KALRN: variants seen among roughly 807,000 people sequenced by gnomAD.
KALRN encodes the protein kalirin RhoGEF kinase.
KALRN carries 70 observed loss-of-function variants against 353.7 expected under a neutral mutation model. That is an observed-to-expected ratio of 0.20 (90% CI 0.16 to 0.24). The LOEUF (loss-of-function observed/expected upper bound fraction) is 0.24, where lower values mean the gene tolerates loss of function less well. Ranked by LOEUF, KALRN falls within the 10% of genes least tolerant of loss-of-function variation. The probability of loss-of-function intolerance (pLI) is 1.00; values close to 1 mark genes in which losing one functional copy is unlikely to be tolerated. For missense variants in KALRN, 2,791 were observed against 3,756.7 expected, an observed-to-expected ratio of 0.74 and a Z score of 6.72; for synonymous variants, 1,391 against 1,434.8, an observed-to-expected ratio of 0.97 and a Z score of 0.69.
chr3:124,498,993 T>C (rs994454310), intron 33 of KALRN, among the ~76,000 whole-genome samples: 1 of 152,062 alleles, frequency 6.6e-6, no homozygotes, highest in Non-Finnish European at 1.5e-5. Flanking sequence ...CTGACTCATA[T>C]TCAACAGAAG....
chr3:124,539,300 A>C (rs1471268578), intron 33 of KALRN, among the ~76,000 whole-genome samples: 3 of 152,176 alleles, frequency 2.0e-5, no homozygotes, highest in Non-Finnish European at 4.4e-5. Flanking sequence ...CCTTCTGGGG[A>C]CTGATAGATC....
chr3:124,664,370 T>TGTGTGTGTGTGTGC (rs370394911), intron 45 of KALRN, among the ~76,000 whole-genome samples: 6 of 129,534 alleles, frequency 4.6e-5, no homozygotes, highest in African/African-American at 1.7e-4. Context: ...TGTGTGTGTG[T>TGTGTGTGTGTGTGC]GCGCGCGCGC....
intron 51 of KALRN, among the ~76,000 whole-genome samples, chr3:124,679,913 C>A (rs912099952): frequency 2.0e-5 from 3 of 152,176 alleles, no homozygotes; most frequent in Admixed American, 6.5e-5. Flanking sequence ...TAGTTTCTCC[C>A]GCTTTTGTTT....
At chr3:124,529,179 C>T (rs1473792637) in intron 33 of KALRN, among the ~76,000 whole-genome samples, 1 of 152,072 alleles carries the variant, frequency 6.6e-6, no homozygotes, top group African/African-American at 2.4e-5. Flanking sequence ...CTGCTATATC[C>T]CCAGTACCTA....
chr3:124,327,594 TAC>T (rs904844395), intron 7 of KALRN, among the ~76,000 whole-genome samples: 3 of 152,222 alleles, frequency 2.0e-5, no homozygotes, highest in Admixed American at 6.5e-5. Context: ...TATAGTCATA[TAC>T]ACACACACAT....
At chr3:124,289,484 C>G (rs138665866) in intron 5 of KALRN, among the ~76,000 whole-genome samples, 45 of 152,018 alleles carry the variant, frequency 3.0e-4, no homozygotes, top group African/African-American at 9.6e-4. Context: ...GAATCTGTTT[C>G]TCTACCTAAA....
intron 5 of KALRN, among the ~76,000 whole-genome samples, chr3:124,291,430 A>G (rs1338028311): frequency 6.6e-6 from 1 of 152,118 alleles, no homozygotes; most frequent in African/African-American, 2.4e-5. Flanking sequence ...GGCACATACC[A>G]TCTTTTATCT....
intron 1 of KALRN, among the ~76,000 whole-genome samples, chr3:124,186,509 T>C (rs1269803901): frequency 1.3e-5 from 2 of 152,214 alleles, no homozygotes; most frequent in Admixed American, 1.3e-4. Context: ...TCTTAAAGTG[T>C]GATTGCCTTT....
intron 1 of KALRN, chr3:124,152,443 G>C (rs1486696505): frequency 8.3e-6 from 11 of 1,330,796 alleles, no homozygotes; most frequent in Non-Finnish European, 1.2e-5. Flanking sequence ...GGGTTCTGCA[G>C]GTACATAGAA....
chr3:124,486,381 G>T, intron 28 of KALRN, among the ~76,000 whole-genome samples: 1 of 152,172 alleles, frequency 6.6e-6, no homozygotes, highest in Non-Finnish European at 1.5e-5. Context: ...TTAAAATAAG[G>T]AAAGGGGTGG....
intron 16 of KALRN, among the ~76,000 whole-genome samples, chr3:124,433,220 G>C (rs1452479456): frequency 6.6e-6 from 1 of 151,138 alleles, no homozygotes; most frequent in Non-Finnish European, 1.5e-5. Context: ...GGTTCCATCA[G>C]GGAAAATAAA....
intron 33 of KALRN, chr3:124,504,650 C>T (rs773634399): frequency 1.7e-5 from 6 of 354,584 alleles, no homozygotes; most frequent in Middle Eastern, 9.8e-4. Flanking sequence ...TCGTGACTCA[C>T]ATCATAGCCT....
intron 11 of KALRN, among the ~76,000 whole-genome samples, chr3:124,388,340 T>C (rs563191169): frequency 6.6e-6 from 1 of 152,318 alleles, no homozygotes; most frequent in East Asian, 1.9e-4. Context: ...ACATCATTTT[T>C]TTTTTCTTGA....
intron 10 of KALRN, among the ~76,000 whole-genome samples, chr3:124,364,406 C>T (rs1381612783): frequency 1.3e-5 from 2 of 152,200 alleles, no homozygotes; most frequent in Non-Finnish European, 2.9e-5. Context: ...TCTGCCCTTT[C>T]CCTGAAGAGC....
intron 52 of KALRN, 146 bp from the exon 53 acceptor site, chr3:124,694,186 C>T: frequency 1.4e-6 from 1 of 713,572 alleles, no homozygotes; most frequent in Non-Finnish European, 2.3e-6. Context: ...TTAAAGAGAC[C>T]CAGATGACTC....
In KALRN at chr3:124,518,380, C is replaced by A. The variant is rs375881058; in HGVS notation, c.4935+21967C>A. On this transcript the variant is annotated intron_variant, in intron 33 of 59. Transcript: ENST00000682506. ...GCAAAGTTATATGCAAATCACAGAG[C>A]CCGGCCCTTTTCTTAACAGGATGGC... The A allele has an allele frequency of 3.7e-5, 59 of 1,606,408 alleles. No individual in the cohort carries two copies. In the East Asian group the frequency reaches 6.9e-4, roughly 19 times the overall value.
At chr3:124,110,895 C>T (rs112897966) in intron 1 of KALRN, among the ~76,000 whole-genome samples, 107 of 152,300 alleles carry the variant, frequency 7.0e-4, no homozygotes, top group African/African-American at 2.5e-3. Context: ...TTTCTGCTTT[C>T]CTACTCCTCC....
At position 124,398,756 on chromosome 3, in the gene KALRN, C is replaced by T. The variant is rs766818886; in HGVS notation, c.2231C>T (p.Ser744Leu). The change falls in exon 13 of 60, where the codon TCG (serine) becomes TTG (leucine). Residue 744 changes from serine (S) to leucine (L), a missense_variant. Around this residue, in one of 11 missense-constraint regions of KALRN, gnomAD observed 452 missense variants for 575.8 expected, o/e 0.78. Coordinates refer to ENST00000682506, the MANE Select transcript of KALRN (RefSeq NM_001388419.1). ...AGCAGCTCCATCAGCCACATCGAGTCGGTCCTGCAGCAGCTTGATGATGCC... is the reference window on the plus strand; with the variant it reads ...AGCAGCTCCATCAGCCACATCGAGTTGGTCCTGCAGCAGCTTGATGATGCC... ...PHSSSISHIE[S>L]VLQQLDDAQV... 24 of 1,614,042 alleles carry T rather than the reference C, an allele frequency of 1.5e-5. No individual in the cohort carries two copies. The highest frequency in any genetic ancestry group is 8.3e-5 in the Admixed American group (5 of 59,996).
At chr3:124,076,017 C>T (rs552938220) in intron 1 of KALRN, among the ~76,000 whole-genome samples, 1 of 152,344 alleles carries the variant, frequency 6.6e-6, no homozygotes, top group East Asian at 1.9e-4. Flanking sequence ...CTTCCTTCCA[C>T]ACGCCATCTC....
Sources: gnomAD v4.1 joint callset for allele counts (sites outside exome capture counted in the v4.1 genomes callset) on GRCh38, gnomAD v4.1.1 for gene constraint, gnomAD v4.1.1 regional missense constraint, MANE v1.5 for transcripts, NCBI Gene and HGNC (gene_info 2026-07-23, HGNC 2026-07-21) for gene names.